TENM2: variants seen among roughly 807,000 people sequenced by gnomAD.
TENM2 encodes teneurin transmembrane protein 2.
In TENM2, 52 loss-of-function variants were observed where a neutral mutation model predicts 245.2. The ratio of observed to expected loss-of-function variants is 0.21; its 90% CI spans 0.17 to 0.27. The LOEUF is 0.27. TENM2 is among the 10% of genes least tolerant of loss of function. The probability of loss-of-function intolerance (pLI) is 1.00; values close to 1 mark genes in which losing one functional copy is unlikely to be tolerated. For missense variants in TENM2, 3,046 were observed against 3,666.8 expected (o/e 0.83, Z 4.37); for synonymous variants, 1,363 against 1,438.9 (o/e 0.95, Z 1.19).
At chr5:168,144,478 AT>A (rs1311199267) in intron 12 of TENM2, among the ~76,000 whole-genome samples, 1 of 151,834 alleles carries the variant, frequency 6.6e-6, no homozygotes, top group Non-Finnish European at 1.5e-5. Context: ...ATGATTTCCA[AT>A]TTCATCCATG....
chr5:168,264,117 A>C (rs925642027), downstream of TENM2: 5 of 152,554 alleles, frequency 3.3e-5, no homozygotes, highest in African/African-American at 7.2e-5. Context: ...AAAGTGTTTA[A>C]ATTGTTTATA....
chr5:167,747,179 A>G, intron 2 of TENM2, among the ~76,000 whole-genome samples: 1 of 152,204 alleles, frequency 6.6e-6, no homozygotes, highest in Non-Finnish European at 1.5e-5. Flanking sequence ...CCAAACAAGA[A>G]TAAAGAACCT....
At chr5:167,149,014 A>C in the TENM2 span, among the ~76,000 whole-genome samples, 1 of 152,150 alleles carries the variant, frequency 6.6e-6, no homozygotes, top group Admixed American at 6.5e-5. Flanking sequence ...AAAAGAAAAA[A>C]TGAATATTTT....
At chr5:168,014,802 G>C (rs1785524423) in intron 5 of TENM2, among the ~76,000 whole-genome samples, 1 of 152,078 alleles carries the variant, frequency 6.6e-6, no homozygotes, top group African/African-American at 2.4e-5. Context: ...CCCTGCCCAG[G>C]GTCTCATGAG....
At chr5:167,179,100 T>A in the TENM2 span, among the ~76,000 whole-genome samples, 2 of 152,218 alleles carry the variant, frequency 1.3e-5, no homozygotes, top group Non-Finnish European at 2.9e-5. Flanking sequence ...TTTTTTTCTC[T>A]TAATAAGGCA....
chr5:167,062,032 A>G, the TENM2 span, among the ~76,000 whole-genome samples: 50,065 of 151,574 alleles, frequency 0.33, 9,464 homozygotes, highest in Non-Finnish European at 0.45. Context: ...CACAGAAATA[A>G]CTAAAGTAAA....
chr5:167,395,686 T>C (rs1403027678), intron 2 of TENM2, among the ~76,000 whole-genome samples: 1 of 152,146 alleles, frequency 6.6e-6, no homozygotes, highest in East Asian at 1.9e-4. Flanking sequence ...ATTGTAACTT[T>C]AAGGAAAACA....
At chr5:168,133,337 T>C (rs1414291364) in intron 12 of TENM2, among the ~76,000 whole-genome samples, 1 of 152,204 alleles carries the variant, frequency 6.6e-6, no homozygotes, top group African/African-American at 2.4e-5. Flanking sequence ...AAATATTAAG[T>C]AAATAGTACA....
At chr5:167,550,994 G>T (rs1332059989) in intron 2 of TENM2, among the ~76,000 whole-genome samples, 1 of 152,092 alleles carries the variant, frequency 6.6e-6, no homozygotes, top group Admixed American at 6.5e-5. Context: ...CTCCCAAAGT[G>T]CTGGGATTAC....
the TENM2 span, among the ~76,000 whole-genome samples, chr5:167,265,331 CAAAAAAAAAAAAA>C: frequency 3.3e-4 from 13 of 39,396 alleles, no homozygotes; most frequent in South Asian, 9.7e-4. Context: ...GACTCTGTCT[CAAAAAAAAAAAAA>C]AAAAAAAAAA....
At chr5:167,568,348 C>T (rs1397020791) in intron 2 of TENM2, among the ~76,000 whole-genome samples, 2 of 151,882 alleles carry the variant, frequency 1.3e-5, no homozygotes, top group Admixed American at 1.3e-4. Context: ...GGTGTATAGA[C>T]CAGATTTTAA....
chr5:168,249,731 T>C (rs2337158), intron 27 of TENM2, among the ~76,000 whole-genome samples: 73,047 of 151,870 alleles, frequency 0.48, 20,093 homozygotes, highest in South Asian at 0.61. Flanking sequence ...TGGTGGCATA[T>C]GCCTGTGGTC....
chr5:167,310,794 G>T (rs1755988388), intron 1 of TENM2, among the ~76,000 whole-genome samples: 1 of 152,016 alleles, frequency 6.6e-6, no homozygotes, highest in African/African-American at 2.4e-5. Context: ...TAATTCCCCT[G>T]GAATGTGTGA....
intron 14 of TENM2, among the ~76,000 whole-genome samples, chr5:168,191,744 G>A (rs1430576685): frequency 6.6e-6 from 1 of 152,134 alleles, no homozygotes; most frequent in Non-Finnish European, 1.5e-5. Flanking sequence ...CCTTCTTACA[G>A]AAGCACCTAA....
At chr5:168,242,302 T>G (rs1766168516) in intron 25 of TENM2, among the ~76,000 whole-genome samples, 1 of 152,194 alleles carries the variant, frequency 6.6e-6, no homozygotes, top group Admixed American at 6.5e-5. Context: ...AATTATTCCT[T>G]GTCCCACCCC....
chr5:167,886,186 T>A (rs1003520239), intron 3 of TENM2, among the ~76,000 whole-genome samples: 2 of 152,152 alleles, frequency 1.3e-5, no homozygotes, highest in African/African-American at 4.8e-5. Context: ...TGTGGCACAG[T>A]GAGGTTAAGT....
chr5:168,113,448 G>A (rs1176800249), intron 9 of TENM2, among the ~76,000 whole-genome samples: 1 of 152,174 alleles, frequency 6.6e-6, no homozygotes. Context: ...TTGTGCAGAT[G>A]TAGGCATTTT....
chr5:167,248,518 G>T, the TENM2 span, among the ~76,000 whole-genome samples: 1 of 152,070 alleles, frequency 6.6e-6, no homozygotes, highest in Non-Finnish European at 1.5e-5. Context: ...CCGTGCTGCC[G>T]ATACTTGGAC....
intron 2 of TENM2, among the ~76,000 whole-genome samples, chr5:167,854,578 T>C (rs1377603199): frequency 6.6e-6 from 1 of 152,202 alleles, no homozygotes; most frequent in Non-Finnish European, 1.5e-5. Context: ...GGAGGTAAAA[T>C]TGTGAACACA....
Sources: gnomAD v4.1 joint callset for allele counts (sites outside exome capture counted in the v4.1 genomes callset) on GRCh38, gnomAD v4.1.1 for gene constraint, MANE v1.5 for transcripts, NCBI Gene and HGNC (gene_info 2026-07-23, HGNC 2026-07-21) for gene names.